Variants in RAP1GDS1 observed in about 807,000 individuals in gnomAD.
RAP1GDS1 encodes RAP1, GTP-GDP dissociation stimulator 1.
A neutral mutation model predicts 71.1 loss-of-function variants in RAP1GDS1; 35 were observed. The ratio of observed to expected loss-of-function variants is 0.49; its 90% CI spans 0.38 to 0.65. The LOEUF is 0.65. Ranked by LOEUF, RAP1GDS1 falls within the 30% of genes least tolerant of loss-of-function variation. The pLI, the probability that RAP1GDS1 is intolerant of heterozygous loss-of-function variation, is 0.00. For synonymous variants in RAP1GDS1, 229 were observed against 243.1 expected (o/e 0.94, Z 0.54); for missense variants, 663 against 706.1 (o/e 0.94, Z 0.69).
At chr4:98,438,516 T>A (rs1204867283) in intron 14 of RAP1GDS1, among the ~76,000 whole-genome samples, 1 of 149,286 alleles carries the variant, frequency 6.7e-6, no homozygotes, top group Non-Finnish European at 1.5e-5. Context: ...TCTTCTTTAT[T>A]TCTGACTTCC....
chr4:98,416,345 T>G (rs937819657), intron 7 of RAP1GDS1, among the ~76,000 whole-genome samples: 2 of 122,820 alleles, frequency 1.6e-5, no homozygotes, highest in Non-Finnish European at 3.4e-5. Flanking sequence ...TTTTTTTTTT[T>G]TTTTTTTTTT....
intron 5 of RAP1GDS1, among the ~76,000 whole-genome samples, chr4:98,389,735 C>T (rs1743322004): frequency 6.6e-6 from 1 of 152,170 alleles, no homozygotes; most frequent in Non-Finnish European, 1.5e-5. Context: ...CTTTTCACCC[C>T]TCTTTTACCT....
At chr4:98,379,221 C>T (rs913484745) in intron 5 of RAP1GDS1, 58 bp downstream of exon 5, 2 of 1,402,154 alleles carry the variant, frequency 1.4e-6, no homozygotes, top group Non-Finnish European at 1.9e-6. Context: ...ATTATCTTTA[C>T]TATAGTGCAA....
intron 2 of RAP1GDS1, among the ~76,000 whole-genome samples, chr4:98,337,936 A>T (rs1474576056): frequency 6.6e-6 from 1 of 152,224 alleles, no homozygotes; most frequent in Non-Finnish European, 1.5e-5. Flanking sequence ...TTGCTTAAAA[A>T]TTTAAAGGAA....
intron 7 of RAP1GDS1, among the ~76,000 whole-genome samples, chr4:98,410,617 G>A (rs1467492304): frequency 6.6e-6 from 1 of 152,054 alleles, no homozygotes; most frequent in Non-Finnish European, 1.5e-5. Flanking sequence ...TCCATTAACA[G>A]TAGAATGAAT....
chr4:98,285,790 C>A (rs930334690), intron 1 of RAP1GDS1, among the ~76,000 whole-genome samples: 2 of 145,166 alleles, frequency 1.4e-5, no homozygotes, highest in Non-Finnish European at 3.0e-5. Flanking sequence ...TAATAATGGG[C>A]ACTTTTTATT....
At chr4:98,435,757 T>C (rs1299492696) in intron 13 of RAP1GDS1, among the ~76,000 whole-genome samples, 3 of 152,160 alleles carry the variant, frequency 2.0e-5, no homozygotes, top group Non-Finnish European at 4.4e-5. Flanking sequence ...TGTAGTTCTA[T>C]ATTTTACATT....
chr4:98,396,012 G>T, intron 6 of RAP1GDS1: 1 of 158,128 alleles, frequency 6.3e-6, no homozygotes, highest in South Asian at 1.9e-4. Flanking sequence ...CATGGCAGAA[G>T]GTGAAGAGGG....
chr4:98,353,758 T>A (rs1333627752), intron 4 of RAP1GDS1, among the ~76,000 whole-genome samples: 1 of 152,192 alleles, frequency 6.6e-6, no homozygotes, highest in African/African-American at 2.4e-5. Flanking sequence ...GCTCCTTCAA[T>A]CCAGTTCTTT....
At chr4:98,311,507 A>G (rs1172422148) in intron 2 of RAP1GDS1, among the ~76,000 whole-genome samples, 1 of 152,200 alleles carries the variant, frequency 6.6e-6, no homozygotes, top group Non-Finnish European at 1.5e-5. Context: ...AAAATCTTAC[A>G]TACCTATGAA....
At chr4:98,295,292 G>A (rs1345523160) in intron 2 of RAP1GDS1, among the ~76,000 whole-genome samples, 4 of 152,034 alleles carry the variant, frequency 2.6e-5, no homozygotes, top group Non-Finnish European at 5.9e-5. Flanking sequence ...TAACCACAAG[G>A]TATTAAAACA....
At chr4:98,410,271 T>C (rs1171926533) in intron 7 of RAP1GDS1, among the ~76,000 whole-genome samples, 1 of 152,144 alleles carries the variant, frequency 6.6e-6, no homozygotes, top group Admixed American at 6.6e-5. Flanking sequence ...TGAAAAACAT[T>C]TTAATAAGCA....
At chr4:98,323,650 A>T (rs1387411608) in intron 2 of RAP1GDS1, among the ~76,000 whole-genome samples, 2 of 127,456 alleles carry the variant, frequency 1.6e-5, no homozygotes, top group East Asian at 4.8e-4. Context: ...TCCAGCATAT[A>T]AACAGAGCCA....
At chr4:98,439,606 A>G (rs1214132157) in intron 14 of RAP1GDS1, among the ~76,000 whole-genome samples, 4 of 152,030 alleles carry the variant, frequency 2.6e-5, no homozygotes, top group Non-Finnish European at 5.9e-5. Context: ...TTTTACCCAC[A>G]GATTATTTTC....
intron 2 of RAP1GDS1, among the ~76,000 whole-genome samples, chr4:98,335,551 T>C (rs1226041599): frequency 1.5e-5 from 2 of 131,376 alleles, no homozygotes; most frequent in Non-Finnish European, 3.1e-5. Context: ...TATGAAAAAG[T>C]TTTTTTTTTA....
At chr4:98,370,718 G>A (rs904864968) in intron 4 of RAP1GDS1, among the ~76,000 whole-genome samples, 14 of 151,850 alleles carry the variant, frequency 9.2e-5, no homozygotes, top group African/African-American at 2.7e-4. Context: ...CTACAGGCGC[G>A]TGCCAACACA....
chr4:98,369,846 A>G (rs905972264), intron 4 of RAP1GDS1, among the ~76,000 whole-genome samples: 7 of 152,266 alleles, frequency 4.6e-5, no homozygotes, highest in Middle Eastern at 3.4e-3. Flanking sequence ...TTTTACCTAC[A>G]TTTTTCCTTA....
chr4:98,415,283 A>T (rs1169137305), intron 7 of RAP1GDS1, among the ~76,000 whole-genome samples: 2 of 152,146 alleles, frequency 1.3e-5, no homozygotes, highest in Non-Finnish European at 2.9e-5. Context: ...CATATTGTTC[A>T]AACACCCATG....
At chr4:98,321,531 G>A (rs1223494982) in intron 2 of RAP1GDS1, among the ~76,000 whole-genome samples, 3 of 147,546 alleles carry the variant, frequency 2.0e-5, no homozygotes, top group Admixed American at 6.8e-5. Context: ...GAAAGGTCGG[G>A]TTACCCTCAA....
Sources: gnomAD v4.1 joint callset for allele counts (sites outside exome capture counted in the v4.1 genomes callset) on GRCh38, gnomAD v4.1.1 for gene constraint, MANE v1.5 for transcripts, NCBI Gene and HGNC (gene_info 2026-07-23, HGNC 2026-07-21) for gene names.